The following XKR4 variants were observed in gnomAD, a reference collection of about 807,000 sequenced individuals.
XKR4 encodes the protein XK-related protein 4.
XKR4 carries 12 observed loss-of-function variants against 53.9 expected under a neutral mutation model. The observed-to-expected ratio is 0.22, with a 90% CI of 0.14 to 0.36. The LOEUF is 0.36. Among genes scored for constraint, XKR4 ranks in the 10% least tolerant of loss-of-function variants. The pLI is 1.00. For synonymous variants in XKR4, 354 were observed against 362.4 expected, an observed-to-expected ratio of 0.98 and a Z score of 0.26; for missense variants, 799 against 859.5, an observed-to-expected ratio of 0.93 and a Z score of 0.88.
intron 1 of XKR4, among the ~76,000 whole-genome samples, chr8:55,146,769 G>A (rs572025679): frequency 3.9e-4 from 59 of 152,250 alleles, no homozygotes; most frequent in African/African-American, 1.3e-3. Flanking sequence ...AAGGTGAAAC[G>A]TTTTTAGGAA....
intron 2 of XKR4, among the ~76,000 whole-genome samples, chr8:55,370,110 T>A (rs1017969658): frequency 1.3e-5 from 2 of 152,188 alleles, no homozygotes; most frequent in East Asian, 3.8e-4. Context: ...GCAGCAAGCC[T>A]TAATTATTTC....
At chr8:55,186,323 C>T (rs1214999353) in intron 1 of XKR4, among the ~76,000 whole-genome samples, 1 of 152,088 alleles carries the variant, frequency 6.6e-6, no homozygotes, top group Non-Finnish European at 1.5e-5. Context: ...AAAAGATGAC[C>T]ATATCAGTAA....
In XKR4 at chr8:55,530,181, AAGGAAGGAAGGAAGGAAGGAAG is replaced by A. The variant is rs1806929906; in HGVS notation, c.*5955_*5976del. 1 of 148,382 alleles carries A rather than the reference AAGGAAGGAAGGAAGGAAGGAAG, an allele frequency of 6.7e-6. No homozygotes were observed. The highest frequency in any genetic ancestry group is 2.6e-5 in the African/African-American group (1 of 38,626). 9.2% of individuals were successfully genotyped at this position (148,382 alleles called of 1,614,324 possible). On this transcript the variant is annotated 3_prime_UTR_variant, in exon 3 of 3. Transcript: ENST00000327381. ...GAAGGAAGGAAGGAAGGAAGGAAGG[AAGGAAGGAAGGAAGGAAGGAAG>A]GAAGGAGATTTAACAAGTCTTTGAA...
At chr8:55,122,180 G>A (rs573965181) in intron 1 of XKR4, among the ~76,000 whole-genome samples, 26 of 152,028 alleles carry the variant, frequency 1.7e-4, no homozygotes, top group African/African-American at 5.8e-4. Flanking sequence ...AATAATTTTT[G>A]GCCTAAATTA....
Position 55,500,864 on chromosome 8 carries a change from G to A in XKR4, c.1007-22417G>A, listed in dbSNP as rs1806425799. On this transcript the variant is annotated intron_variant, in intron 2 of 2. Coordinates refer to ENST00000327381, the MANE Select transcript of XKR4 (RefSeq NM_052898.2). Reference sequence around the variant, plus strand: ...TAGGTAGAACCAGCATTCAACTCTAGTTCTAAACCCAGGTTCAAAATACAG... The same window carrying A: ...TAGGTAGAACCAGCATTCAACTCTAATTCTAAACCCAGGTTCAAAATACAG... Among the ~76,000 whole-genome samples the A allele has an allele frequency of 2.6e-5, 4 of 152,262 alleles. No homozygotes were observed. The South Asian group carries it at 8.3e-4, about 32-fold the overall frequency.
intron 1 of XKR4, among the ~76,000 whole-genome samples, chr8:55,283,883 G>A (rs1245032810): frequency 6.6e-6 from 1 of 152,188 alleles, no homozygotes; most frequent in East Asian, 1.9e-4. Flanking sequence ...GAAAGAGCAA[G>A]TGGACAAAGG....
chr8:55,499,618 C>T (rs1424013888), intron 2 of XKR4, among the ~76,000 whole-genome samples: 1 of 152,080 alleles, frequency 6.6e-6, no homozygotes, highest in East Asian at 1.9e-4. Flanking sequence ...GTGAGATGGC[C>T]CCTGGGACTG....
chr8:55,233,188 G>A (rs941418493), intron 1 of XKR4, among the ~76,000 whole-genome samples: 3 of 152,214 alleles, frequency 2.0e-5, no homozygotes, highest in Non-Finnish European at 2.9e-5. Flanking sequence ...TCCAGGGAAA[G>A]CTACAACGCC....
Position 55,527,549 on chromosome 8 carries a change from T to C in XKR4, c.*3322T>C, listed in dbSNP as rs187985718. 1.3e-5 allele frequency: 2 copies of C among 152,362 alleles called. No homozygotes were observed. Among genetic ancestry groups the C allele is most frequent in the East Asian group, 1.9e-4 (1 of 5,192 alleles). The allele number at this position is 152,362 out of a possible 1,614,324, so 9.4% of individuals were successfully genotyped here. A position where few individuals can be genotyped will look rare whatever the true frequency, so the allele number is the denominator to read the frequency against. The stretch of plus-strand genomic sequence containing the variant: ...ACCATAGTGACACTTTAAGTGTTTG[T>C]GTGAAAGAAAAGGAAATAATTTTTC... On this transcript the variant is annotated 3_prime_UTR_variant, in exon 3 of 3. Transcript: ENST00000327381.
At chr8:55,234,070 C>G (rs1818084319) in intron 1 of XKR4, among the ~76,000 whole-genome samples, 1 of 152,134 alleles carries the variant, frequency 6.6e-6, no homozygotes, top group African/African-American at 2.4e-5. Context: ...ATTTAGGAAA[C>G]TGTGGTCAAG....
chr8:55,265,712 G>T (rs1401171951), intron 1 of XKR4, among the ~76,000 whole-genome samples: 1 of 152,040 alleles, frequency 6.6e-6, no homozygotes, highest in Non-Finnish European at 1.5e-5. Context: ...GGGCACGATG[G>T]CTCTTGCCTG....
chr8:55,149,552 G>C (rs1816814471), intron 1 of XKR4, among the ~76,000 whole-genome samples: 1 of 152,202 alleles, frequency 6.6e-6, no homozygotes, highest in African/African-American at 2.4e-5. Flanking sequence ...ATGTTCATCA[G>C]AGTTTCTTGG....
At chr8:55,480,756 A>T (rs1463200153) in intron 2 of XKR4, among the ~76,000 whole-genome samples, 5 of 127,760 alleles carry the variant, frequency 3.9e-5, no homozygotes, top group Admixed American at 1.4e-4. Context: ...TATACACCAA[A>T]AACAGACAGA....
chr8:55,451,084 G>A (rs1344170987), intron 2 of XKR4: 3 of 514,948 alleles, frequency 5.8e-6, no homozygotes, highest in African/African-American at 3.9e-5. Context: ...GGGTCCGGCC[G>A]CACATTCTTG....
chr8:55,158,979 A>G (rs1035495632), intron 1 of XKR4, among the ~76,000 whole-genome samples: 3 of 152,100 alleles, frequency 2.0e-5, no homozygotes, highest in Admixed American at 6.5e-5. Flanking sequence ...TTTTGGTTTC[A>G]TATGAATTTT....
intron 2 of XKR4, among the ~76,000 whole-genome samples, chr8:55,513,346 A>G (rs909738756): frequency 2.7e-4 from 41 of 152,174 alleles, no homozygotes; most frequent in African/African-American, 9.7e-4. Flanking sequence ...ATGGCAGACT[A>G]CAAAGGCACC....
intron 2 of XKR4, chr8:55,453,950 A>T (rs1805505599): frequency 2.9e-6 from 2 of 685,704 alleles, no homozygotes; most frequent in African/African-American, 3.5e-5. Flanking sequence ...ATCGTCCTCC[A>T]CCAGCCCACA....
At chr8:55,276,244 G>T (rs908601587) in intron 1 of XKR4, among the ~76,000 whole-genome samples, 4 of 152,134 alleles carry the variant, frequency 2.6e-5, no homozygotes, top group African/African-American at 9.7e-5. Flanking sequence ...AAAGACATTG[G>T]TTTGGGGATG....
chr8:55,499,359 T>A (rs1806402950), intron 2 of XKR4, among the ~76,000 whole-genome samples: 1 of 152,200 alleles, frequency 6.6e-6, no homozygotes, highest in African/African-American at 2.4e-5. Flanking sequence ...CTCTCAATAC[T>A]ATTTATCCCA....
Sources: gnomAD v4.1 joint callset for allele counts (sites outside exome capture counted in the v4.1 genomes callset) on GRCh38, gnomAD v4.1.1 for gene constraint, MANE v1.5 for transcripts, NCBI Gene and HGNC (gene_info 2026-07-23, HGNC 2026-07-21) for gene names.